The following EPHA6 variants were observed in gnomAD, a reference collection of about 807,000 sequenced individuals.
The protein encoded by EPHA6 is EPH receptor A6, also known as ephrin type-A receptor 6.
Under a neutral mutation model 112.0 loss-of-function variants are expected in EPHA6, and 50 were observed. That is an observed-to-expected ratio of 0.45 (90% CI 0.36 to 0.56). The LOEUF is 0.56. Among genes scored for constraint, EPHA6 ranks in the 20% least tolerant of loss-of-function variants. EPHA6 has a pLI of 0.00. For synonymous variants in EPHA6, 529 were observed against 490.7 expected, an observed-to-expected ratio of 1.08 and a Z score of -1.03; for missense variants, 1,280 against 1,417.4, an observed-to-expected ratio of 0.90 and a Z score of 1.56.
chr3:96,910,587 A>G (rs1275636252), intron 2 of EPHA6, among the ~76,000 whole-genome samples: 1 of 151,986 alleles, frequency 6.6e-6, no homozygotes, highest in Admixed American at 6.6e-5. Flanking sequence ...TTGGCTCCCA[A>G]CTGTTCTGGC....
chr3:97,500,474 A>C (rs185285569), intron 10 of EPHA6, among the ~76,000 whole-genome samples: 46 of 152,162 alleles, frequency 3.0e-4, no homozygotes, highest in African/African-American at 1.1e-3. Context: ...CAGGTGCTAC[A>C]TACTTGTAAA....
chr3:97,731,292 G>A (rs977168066), intron 15 of EPHA6, among the ~76,000 whole-genome samples: 1 of 151,974 alleles, frequency 6.6e-6, no homozygotes, highest in African/African-American at 2.4e-5. Context: ...AATCCCAAAG[G>A]AGGAGCGGGT....
chr3:97,332,227 TC>T (rs2082837099), intron 5 of EPHA6, among the ~76,000 whole-genome samples: 1 of 152,092 alleles, frequency 6.6e-6, no homozygotes, highest in Non-Finnish European at 1.5e-5. Context: ...CTAAGAACTC[TC>T]AATAAATTAG....
At chr3:96,888,293 T>C (rs1196566340) in intron 2 of EPHA6, among the ~76,000 whole-genome samples, 3 of 152,048 alleles carry the variant, frequency 2.0e-5, no homozygotes, top group Non-Finnish European at 4.4e-5. Context: ...TTCGCTCGGC[T>C]CTCCAAATTG....
intron 3 of EPHA6, among the ~76,000 whole-genome samples, chr3:97,140,466 A>G (rs887968510): frequency 2.0e-5 from 3 of 152,194 alleles, no homozygotes; most frequent in Non-Finnish European, 2.9e-5. Flanking sequence ...TAGATATCCC[A>G]TCAGATTAAC....
intron 11 of EPHA6, among the ~76,000 whole-genome samples, chr3:97,543,995 A>C (rs919643524): frequency 7.2e-5 from 11 of 152,244 alleles, no homozygotes; most frequent in Admixed American, 7.2e-4. Flanking sequence ...TTTTGGGCTC[A>C]GATGATGGGG....
intron 2 of EPHA6, among the ~76,000 whole-genome samples, chr3:96,903,552 T>C (rs1323234694): frequency 6.6e-6 from 1 of 152,144 alleles, no homozygotes; most frequent in African/African-American, 2.4e-5. Flanking sequence ...ATAAAGTTTG[T>C]TACTATAAAC....
intron 3 of EPHA6, among the ~76,000 whole-genome samples, chr3:97,086,345 TAG>T (rs1327052188): frequency 6.6e-6 from 1 of 152,124 alleles, no homozygotes; most frequent in Admixed American, 6.6e-5. Context: ...CATTTCATTA[TAG>T]GTTAGATATG....
At chr3:97,699,559 G>A (rs1297926954) in intron 14 of EPHA6, among the ~76,000 whole-genome samples, 2 of 152,162 alleles carry the variant, frequency 1.3e-5, no homozygotes, top group Non-Finnish European at 2.9e-5. Flanking sequence ...AAGCAGTGTG[G>A]TTCAAGAATC....
chr3:97,404,851 A>G (rs1006918039), intron 5 of EPHA6, among the ~76,000 whole-genome samples: 1 of 152,152 alleles, frequency 6.6e-6, no homozygotes, highest in African/African-American at 2.4e-5. Context: ...ATAGCTCAAG[A>G]CCAAAACCAT....
chr3:97,032,119 A>G, intron 3 of EPHA6, among the ~76,000 whole-genome samples: 1 of 152,140 alleles, frequency 6.6e-6, no homozygotes, highest in Non-Finnish European at 1.5e-5. Flanking sequence ...ATGCAGCCAT[A>G]AAAAAGGATG....
At chr3:97,364,099 T>C (rs1009683963) in intron 5 of EPHA6, among the ~76,000 whole-genome samples, 1 of 152,060 alleles carries the variant, frequency 6.6e-6, no homozygotes, top group Admixed American at 6.6e-5. Context: ...GGCTACATAG[T>C]AGTATAAATG....
intron 5 of EPHA6, among the ~76,000 whole-genome samples, chr3:97,271,183 C>A (rs1223874950): frequency 6.6e-6 from 1 of 152,168 alleles, no homozygotes; most frequent in Middle Eastern, 3.2e-3. Context: ...CTGGATTGTC[C>A]TATGCAAACT....
intron 3 of EPHA6, among the ~76,000 whole-genome samples, chr3:97,140,580 T>A (rs1179441927): frequency 1.3e-5 from 2 of 152,136 alleles, no homozygotes. Flanking sequence ...TTTGCCAAAA[T>A]GAGCTTCATA....
At chr3:97,042,623 G>A (rs913854736) in intron 3 of EPHA6, among the ~76,000 whole-genome samples, 5 of 151,908 alleles carry the variant, frequency 3.3e-5, no homozygotes, top group Admixed American at 2.0e-4. Flanking sequence ...CTCAATGCTC[G>A]GTGCTCGCCT....
rs2094048668 is a variant in EPHA6 at position 97,645,260 on chromosome 3, C to G, written c.2784+7178C>G. Among the ~76,000 whole-genome samples the G allele has an allele frequency of 2.1e-5, 3 of 145,922 alleles. No individual in the cohort carries two copies. In the South Asian group the frequency reaches 6.9e-4, roughly 33 times the overall value. Reference sequence around the variant, plus strand: ...ATTCACAATAGCAAAGACTTGGAACCAACCCAAATGTCCAACAATGATAGA... The same window carrying G: ...ATTCACAATAGCAAAGACTTGGAACGAACCCAAATGTCCAACAATGATAGA... On this transcript the variant is annotated intron_variant, in intron 14 of 17. Coordinates refer to ENST00000389672, the MANE Select transcript of EPHA6 (RefSeq NM_001080448.3).
intron 5 of EPHA6, among the ~76,000 whole-genome samples, chr3:97,386,447 G>C (rs1247605642): frequency 1.3e-5 from 2 of 152,124 alleles, no homozygotes; most frequent in African/African-American, 2.4e-5. Flanking sequence ...AAATCCAATA[G>C]GGCAGTCATT....
intron 6 of EPHA6, among the ~76,000 whole-genome samples, chr3:97,434,088 CAATAT>C (rs2089677290): frequency 6.6e-6 from 1 of 152,068 alleles, no homozygotes; most frequent in South Asian, 2.1e-4. Flanking sequence ...CTGTGCTTCT[CAATAT>C]ATTACTGAAA....
chr3:97,137,518 G>C (rs1345342900), intron 3 of EPHA6, among the ~76,000 whole-genome samples: 1 of 152,108 alleles, frequency 6.6e-6, no homozygotes, highest in Non-Finnish European at 1.5e-5. Flanking sequence ...AAGTGAGGTA[G>C]TACATGCTAA....
Sources: allele counts gnomAD v4.1 joint callset (sites outside exome capture counted in the v4.1 genomes callset), GRCh38; gene constraint gnomAD v4.1.1; transcripts MANE v1.5; gene names NCBI Gene and HGNC (gene_info 2026-07-23, HGNC 2026-07-21).